PCLO: variants seen among roughly 807,000 people sequenced by gnomAD.
The protein encoded by PCLO is protein piccolo.
PCLO carries 82 observed loss-of-function variants against 427.5 expected under a neutral mutation model. The ratio of observed to expected loss-of-function variants is 0.19; its 90% CI spans 0.16 to 0.23. The LOEUF is 0.23. Among genes scored for constraint, PCLO ranks in the 10% least tolerant of loss-of-function variants. The probability of loss-of-function intolerance (pLI) is 1.00; values close to 1 mark genes in which losing one functional copy is unlikely to be tolerated. For synonymous variants in PCLO, 2,357 were observed against 2,155.4 expected (o/e 1.09, Z -2.59); for missense variants, 6,239 against 6,115.9 (o/e 1.02, Z -0.67).
intron 18 of PCLO, 66 bp downstream of exon 18, chr7:82,826,523 T>C: frequency 1.9e-6 from 2 of 1,042,294 alleles, no homozygotes; most frequent in Non-Finnish European, 3.0e-6. Flanking sequence ...GAAACATGCT[T>C]TGCATCGTGC....
chr7:82,979,686 T>C (rs1796104714), intron 3 of PCLO, among the ~76,000 whole-genome samples: 1 of 152,136 alleles, frequency 6.6e-6, no homozygotes, highest in Non-Finnish European at 1.5e-5. Context: ...TGAGAAAGTA[T>C]AGATATTTTA....
chr7:82,915,596 C>T lies in PCLO; in HGVS notation c.12390G>A (p.Gln4130=). The T allele has an allele frequency of 1.2e-6, 2 of 1,613,468 alleles. No homozygotes were observed. The highest frequency in any genetic ancestry group is 1.7e-6 in the Non-Finnish European group (2 of 1,179,646). ...ELKLLKHQIK[Q]EFRRGTESLD... The stretch of plus-strand genomic sequence containing the variant: ...AGCTCTCTGTCCCTCTACGAAATTC[C>T]TGTTTAATCTGATGTTTCAGAAGCT... The change falls in exon 7 of 25, where the codon CAG becomes CAA. Residue 4130 remains glutamine, a synonymous_variant. Transcript: ENST00000333891.
At chr7:83,104,260 T>C (rs928837505) in intron 3 of PCLO, among the ~76,000 whole-genome samples, 1 of 152,030 alleles carries the variant, frequency 6.6e-6, no homozygotes, top group African/African-American at 2.4e-5. Context: ...ACAAGTAAAT[T>C]CAAAAGTCTT....
Position 82,956,245 on chromosome 7 carries a change from A to C in PCLO, c.4708T>G (p.Ser1570Ala). ...ATGAACTCATCATCTTCAGAACCTGAAGCATCTTCATCAGCACTCATTTCT... is the reference window on the plus strand; with the variant it reads ...ATGAACTCATCATCTTCAGAACCTGCAGCATCTTCATCAGCACTCATTTCT... Reference protein sequence around the residue: ...IIEMSADEDASGSEDDEFIRN... With the variant: ...IIEMSADEDAAGSEDDEFIRN... Residue 1570 changes from serine to alanine, a missense_variant, in exon 5 of 25, where the codon TCA (serine) becomes GCA (alanine). Transcript: ENST00000333891. 6.2e-7 allele frequency: 1 copy of C among 1,611,688 alleles called. No homozygotes were observed. Among genetic ancestry groups the C allele is most frequent in the Non-Finnish European group, 8.5e-7 (1 of 1,179,836 alleles).
intron 2 of PCLO, among the ~76,000 whole-genome samples, chr7:83,153,110 G>C (rs1245021577): frequency 6.6e-6 from 1 of 151,364 alleles, no homozygotes; most frequent in African/African-American, 2.4e-5. Context: ...TTCCTATAAG[G>C]AGAGTATAAT....
At chr7:82,850,586 T>G (rs1316412305) in intron 10 of PCLO, among the ~76,000 whole-genome samples, 2 of 152,170 alleles carry the variant, frequency 1.3e-5, no homozygotes, top group African/African-American at 4.8e-5. Flanking sequence ...TGATCTATAT[T>G]TAATATTTAC....
At chr7:82,899,982 T>C (rs568576292) in intron 9 of PCLO, among the ~76,000 whole-genome samples, 1 of 151,744 alleles carries the variant, frequency 6.6e-6, no homozygotes, top group African/African-American at 2.4e-5. Context: ...TACTATGTTG[T>C]TTTGCTTTAT....
At position 83,134,976 on chromosome 7, in the gene PCLO, T is replaced by C. The variant is rs1294451935; in HGVS notation, c.2574A>G (p.Ala858=). ...CTGGTTTAGGACTCATTTTGGTTTGTGCTTTCTTGGGTTCTTCCTTCTTTT... is the reference window on the plus strand; with the variant it reads ...CTGGTTTAGGACTCATTTTGGTTTGCGCTTTCTTGGGTTCTTCCTTCTTTT... ...PVQKKEEPKK[A]QTKMSPKPDA... Residue 858 remains alanine, a synonymous_variant, in exon 3 of 25, where the codon GCA becomes GCG. Coordinates refer to ENST00000333891, the MANE Select transcript of PCLO (RefSeq NM_033026.6). The C allele has an allele frequency of 6.2e-7, 1 of 1,612,868 alleles. No individual in the cohort carries two copies. Among genetic ancestry groups the C allele is most frequent in the African/African-American group, 1.3e-5 (1 of 74,742 alleles).
intron 6 of PCLO, among the ~76,000 whole-genome samples, chr7:82,920,149 T>G (rs10270465): frequency 0.82 from 125,025 of 151,714 alleles, 51,640 homozygotes; most frequent in East Asian, 0.92. Context: ...TCTCAACTAG[T>G]TATTTAATTC....
intron 3 of PCLO, among the ~76,000 whole-genome samples, chr7:82,971,802 T>C (rs1314908035): frequency 1.3e-5 from 2 of 150,520 alleles, no homozygotes; most frequent in Non-Finnish European, 3.0e-5. Flanking sequence ...GTTTACTACA[T>C]AAAAAATTAC....
chr7:83,096,012 A>G (rs966245395), intron 3 of PCLO, among the ~76,000 whole-genome samples: 1 of 151,238 alleles, frequency 6.6e-6, no homozygotes, highest in African/African-American at 2.4e-5. Context: ...CGGGGAGTTT[A>G]TATCACTTTC....
At chr7:82,988,009 T>A (rs1287955755) in intron 3 of PCLO, among the ~76,000 whole-genome samples, 5 of 152,130 alleles carry the variant, frequency 3.3e-5, no homozygotes, top group Non-Finnish European at 7.4e-5. Context: ...GATTAGATTA[T>A]TATAACTAAA....
intron 8 of PCLO, among the ~76,000 whole-genome samples, chr7:82,907,424 A>C: frequency 6.6e-6 from 1 of 152,114 alleles, no homozygotes; most frequent in Middle Eastern, 3.4e-3. Context: ...CATTTAAAGA[A>C]GTTATTTTTA....
At position 82,847,146 on chromosome 7, in the gene PCLO, C is replaced by T; in HGVS notation, c.13756G>A (p.Val4586Ile). 6.4e-7 allele frequency: 1 copy of T among 1,555,782 alleles called. No individual in the cohort carries two copies. The highest frequency in any genetic ancestry group is 8.9e-7 in the Non-Finnish European group (1 of 1,129,880). ...AGATGGGGAAAAACTCACAGTCTTA[C>T]ACATATTTCTGCTTCCCCACTTTGC... ...SQQSGEAEIC[V>I]RLDLNMLSDS... Residue 4586 changes from valine to isoleucine, a missense_variant, in exon 11 of 25, where the codon GTA becomes ATA. This residue lies in a region of PCLO where 877 missense variants were observed against 925.5 expected (regional missense o/e 0.95). Transcript: ENST00000333891.
rs1790311552 is a variant in PCLO at position 82,756,034 on chromosome 7, A to T, written c.*2541T>A. ...ATAATGGAAAGACTCCTACGCTTTC[A>T]GGTTAAATAGCTACCAAAGAGATAA... On this transcript the variant is annotated 3_prime_UTR_variant, in exon 25 of 25. Transcript: ENST00000333891. 6.6e-6 allele frequency: 1 copy of T among 152,142 alleles called. No homozygotes were observed. The highest frequency in any genetic ancestry group is 2.4e-5 in the African/African-American group (1 of 41,462). 9.4% of individuals were successfully genotyped at this position (152,142 alleles called of 1,614,324 possible).
intron 20 of PCLO, among the ~76,000 whole-genome samples, chr7:82,813,786 A>G (rs1336450347): frequency 6.6e-6 from 1 of 151,842 alleles, no homozygotes; most frequent in Admixed American, 6.6e-5. Flanking sequence ...ATAAATGATA[A>G]GCACGTTTGC....
At chr7:82,942,222 A>C (rs1795103199) in intron 6 of PCLO, among the ~76,000 whole-genome samples, 1 of 152,226 alleles carries the variant, frequency 6.6e-6, no homozygotes. Context: ...GCTGAAATAC[A>C]TAGGAATCTA....
At chr7:83,062,463 TTTC>T (rs1209279391) in intron 3 of PCLO, among the ~76,000 whole-genome samples, 1 of 152,194 alleles carries the variant, frequency 6.6e-6, no homozygotes, top group African/African-American at 2.4e-5. Flanking sequence ...TTATATGCAT[TTTC>T]TTCATTTTCT....
chr7:82,937,935 A>G (rs1312999456), intron 6 of PCLO, among the ~76,000 whole-genome samples: 1 of 151,898 alleles, frequency 6.6e-6, no homozygotes, highest in African/African-American at 2.4e-5. Flanking sequence ...ATTAGATTCC[A>G]AATCTGAGAA....
Sources: gnomAD v4.1 joint callset for allele counts (sites outside exome capture counted in the v4.1 genomes callset) on GRCh38, gnomAD v4.1.1 for gene constraint, gnomAD v4.1.1 regional missense constraint, MANE v1.5 for transcripts, NCBI Gene and HGNC (gene_info 2026-07-23, HGNC 2026-07-21) for gene names.